GABRA5: variants seen among roughly 807,000 people sequenced by gnomAD.
GABRA5 encodes the protein gamma-aminobutyric acid type A receptor subunit alpha5.
A neutral mutation model predicts 47.3 loss-of-function variants in GABRA5; 18 were observed. The observed-to-expected ratio is 0.38, with a 90% confidence interval of 0.26 to 0.56. The LOEUF is 0.56. Ranked by LOEUF, GABRA5 falls within the 20% of genes least tolerant of loss-of-function variation. GABRA5 has a pLI of 0.71. For synonymous variants in GABRA5, 237 were observed against 229.3 expected, an observed-to-expected ratio of 1.03 and a Z score of -0.30; for missense variants, 365 against 599.3, an observed-to-expected ratio of 0.61 and a Z score of 4.08.
chr15:26,917,370 T>G (rs1216395529), intron 7 of GABRA5, among the ~76,000 whole-genome samples: 1 of 152,148 alleles, frequency 6.6e-6, no homozygotes, highest in Non-Finnish European at 1.5e-5. Context: ...ATGTGATGTA[T>G]TACATCAATT....
chr15:26,927,363 C>T (rs774977803), intron 7 of GABRA5, among the ~76,000 whole-genome samples: 3 of 151,752 alleles, frequency 2.0e-5, no homozygotes, highest in Admixed American at 6.6e-5. Context: ...CCACCCACCT[C>T]GGCCTCTCAA....
chr15:26,913,897 T>A (rs1893659473), intron 6 of GABRA5, among the ~76,000 whole-genome samples: 2 of 152,142 alleles, frequency 1.3e-5, no homozygotes. Context: ...GGGTGATTGT[T>A]ATTGTCATGG....
At chr15:26,939,859 G>A (rs1392910516) in intron 8 of GABRA5, 66 bp from the exon 9 acceptor site, 8 of 1,554,586 alleles carry the variant, frequency 5.1e-6, no homozygotes, top group Middle Eastern at 1.7e-4. Context: ...GGCTCCTGGT[G>A]AACTCCTTGG....
intron 7 of GABRA5, among the ~76,000 whole-genome samples, chr15:26,925,557 T>A (rs1302291749): frequency 2.6e-5 from 4 of 152,226 alleles, no homozygotes; most frequent in Non-Finnish European, 5.9e-5. Flanking sequence ...AAGCATTACA[T>A]ATTCTCTTTT....
intron 7 of GABRA5, among the ~76,000 whole-genome samples, chr15:26,922,615 T>G (rs1299336176): frequency 6.6e-6 from 1 of 152,192 alleles, no homozygotes; most frequent in Non-Finnish European, 1.5e-5. Context: ...GGCTTTCTGC[T>G]TTTTCTGTGT....
At chr15:26,916,520 C>T (rs1893720529) in intron 7 of GABRA5, among the ~76,000 whole-genome samples, 1 of 152,080 alleles carries the variant, frequency 6.6e-6, no homozygotes, top group Non-Finnish European at 1.5e-5. Flanking sequence ...ATGCCTCCAG[C>T]TCTCTTTTTT....
chr15:26,888,752 C>A (rs1353436861), intron 6 of GABRA5, among the ~76,000 whole-genome samples: 1 of 152,242 alleles, frequency 6.6e-6, no homozygotes, highest in East Asian at 1.9e-4. Context: ...TCCCTTTCAT[C>A]TGCCATCTTC....
At chr15:26,916,761 AGTTTT>A in intron 7 of GABRA5, among the ~76,000 whole-genome samples, 1 of 152,044 alleles carries the variant, frequency 6.6e-6, no homozygotes, top group East Asian at 1.9e-4. Context: ...ACTATTTTGT[AGTTTT>A]CAGTGTATAG....
At chr15:26,936,405 C>G (rs1490124809) in intron 7 of GABRA5, among the ~76,000 whole-genome samples, 1 of 152,172 alleles carries the variant, frequency 6.6e-6, no homozygotes, top group Non-Finnish European at 1.5e-5. Context: ...CCCCCTTACC[C>G]CATCCTCAAG....
intron 7 of GABRA5, among the ~76,000 whole-genome samples, chr15:26,924,502 G>GGA (rs1893913257): frequency 6.6e-6 from 1 of 152,154 alleles, no homozygotes; most frequent in Non-Finnish European, 1.5e-5. Context: ...TGCCCCTGCT[G>GGA]GTTTAGATGA....
intron 7 of GABRA5, among the ~76,000 whole-genome samples, chr15:26,925,055 T>A (rs1893928447): frequency 6.6e-6 from 1 of 152,090 alleles, no homozygotes. Context: ...GTGGGAGGAA[T>A]AGAGGAAAAT....
At chr15:26,908,722 G>A (rs534225599) in intron 6 of GABRA5, among the ~76,000 whole-genome samples, 1 of 152,298 alleles carries the variant, frequency 6.6e-6, no homozygotes, top group East Asian at 1.9e-4. Flanking sequence ...GTCACGGGTA[G>A]CATCTTCACA....
chr15:26,884,819 G>A (rs1489039479), intron 6 of GABRA5, among the ~76,000 whole-genome samples: 1 of 152,206 alleles, frequency 6.6e-6, no homozygotes, highest in Non-Finnish European at 1.5e-5. Context: ...CAACGGCGCG[G>A]TGCAGTCTTT....
intron 7 of GABRA5, among the ~76,000 whole-genome samples, chr15:26,929,515 C>A (rs762177187): frequency 5.9e-5 from 9 of 152,216 alleles, no homozygotes; most frequent in African/African-American, 1.7e-4. Context: ...CTTTGGGGAT[C>A]CCCTGCCCCT....
At chr15:26,879,291 C>T (rs1017217549) in intron 3 of GABRA5, among the ~76,000 whole-genome samples, 3 of 152,266 alleles carry the variant, frequency 2.0e-5, no homozygotes, top group African/African-American at 7.2e-5. Context: ...CCAATAGTTA[C>T]ACAACTGGGC....
chr15:26,894,989 A>C (rs935048893), intron 6 of GABRA5, among the ~76,000 whole-genome samples: 5 of 151,730 alleles, frequency 3.3e-5, no homozygotes, highest in African/African-American at 1.2e-4. Context: ...CCTCTTAGGC[A>C]TCCTGCTGGG....
chr15:26,883,569 GCGGGGGCGGGCGGGGC>G lies in GABRA5; in HGVS notation c.497+19_497+34del. The G allele has an allele frequency of 6.5e-7, 1 of 1,528,742 alleles. No homozygotes were observed. Among genetic ancestry groups the G allele is most frequent in the Non-Finnish European group, 8.9e-7 (1 of 1,126,172 alleles). 94.7% of individuals were successfully genotyped at this position (1,528,742 alleles called of 1,614,324 possible). On this transcript the variant is annotated intron_variant, in intron 6 of 10. Coordinates refer to ENST00000335625, the MANE Select transcript of GABRA5 (RefSeq NM_000810.4). The surrounding 1 kb of genome is among the most constrained non-coding windows in gnomAD (Gnocchi z 4.8). ...CTCTACACCATGCGGTGAGCGCCGG[GCGGGGGCGGGCGGGGC>G]CGGGGGACGGTGCGGGGCAGGCGCG...
At chr15:26,939,325 A>G (rs1357384844) in intron 8 of GABRA5, 5 of 765,218 alleles carry the variant, frequency 6.5e-6, no homozygotes, top group Non-Finnish European at 1.2e-5. Flanking sequence ...CAGAGAAGGC[A>G]CTGGGGCATC....
At chr15:26,913,250 CTA>C (rs1016601243) in intron 6 of GABRA5, among the ~76,000 whole-genome samples, 56 of 151,674 alleles carry the variant, frequency 3.7e-4, no homozygotes, top group Admixed American at 3.6e-3. Flanking sequence ...TCTAGGTCAT[CTA>C]CACACACAAG....
Sources: allele counts gnomAD v4.1 joint callset (sites outside exome capture counted in the v4.1 genomes callset), GRCh38; gene constraint gnomAD v4.1.1; non-coding constraint Gnocchi (gnomAD v3.1); transcripts MANE v1.5; gene names NCBI Gene and HGNC (gene_info 2026-07-23, HGNC 2026-07-21).